The following ESRRB variants were observed in gnomAD, a reference collection of about 807,000 sequenced individuals.
ESRRB encodes steroid hormone receptor ERR2.
A neutral mutation model predicts 46.0 loss-of-function variants in ESRRB; 16 were observed. The ratio of observed to expected loss-of-function variants is 0.35; its 90% confidence interval spans 0.24 to 0.53. The LOEUF (loss-of-function observed/expected upper bound fraction) is 0.53. Ranked by LOEUF, ESRRB falls within the 20% of genes least tolerant of loss-of-function variation. The probability of loss-of-function intolerance (pLI) is 0.93; values close to 1 mark genes in which losing one functional copy is unlikely to be tolerated. For missense variants in ESRRB, 488 were observed against 607.4 expected, an observed-to-expected ratio of 0.80 and a Z score of 2.07; for synonymous variants, 246 against 259.6, an observed-to-expected ratio of 0.95 and a Z score of 0.50.
chr14:76,479,873 T>A (rs552753545), intron 3 of ESRRB, among the ~76,000 whole-genome samples: 5 of 152,274 alleles, frequency 3.3e-5, no homozygotes, highest in African/African-American at 9.6e-5. Context: ...TTACATTTTT[T>A]AAATTTTCTT....
At chr14:76,423,590 C>A (rs772340590) in intron 1 of ESRRB, among the ~76,000 whole-genome samples, 1 of 152,092 alleles carries the variant, frequency 6.6e-6, no homozygotes, top group African/African-American at 2.4e-5. Flanking sequence ...TCTTCTCGGA[C>A]CTTGATCCTG....
Position 76,498,895 on chromosome 14 carries a change from T to A in ESRRB, c.*437T>A, listed in dbSNP as rs1187497468. 5 of 534,328 alleles carry A rather than the reference T, an allele frequency of 9.4e-6. No individual in the cohort carries two copies. The African/African-American group carries it at 9.6e-5, about 10-fold the overall frequency. 33.1% of individuals were successfully genotyped at this position (534,328 alleles called of 1,614,324 possible). A position where few individuals can be genotyped will look rare whatever the true frequency, so the allele number is the denominator to read the frequency against. Reference sequence around the variant, plus strand: ...CAGGCTGGATACCACCTGGAGGTTTTCCTTCCGCAGAGGGCAGGTACGCAA... The same window carrying A: ...CAGGCTGGATACCACCTGGAGGTTTACCTTCCGCAGAGGGCAGGTACGCAA... On this transcript the variant is annotated 3_prime_UTR_variant, in exon 7 of 7. Coordinates refer to ENST00000644823, the MANE Select transcript of ESRRB (RefSeq NM_001379180.1).
chr14:76,376,387 G>A lies in ESRRB; in HGVS notation c.-15G>A. ...CCGTCTTTCTCTACCAACTGGGAAT[G>A]CTAAAACGGGACTGATGGACGTGTC... On this transcript the variant is annotated 5_prime_UTR_variant, in exon 1 of 7. The change abolishes an upstream ATG in the 5' untranslated region. Coordinates refer to ENST00000644823, the MANE Select transcript of ESRRB (RefSeq NM_001379180.1). This position sits in a 1 kb window ranked among gnomAD's most constrained non-coding sequence, Gnocchi z 4.1. The A allele has an allele frequency of 8.1e-7, 1 of 1,231,682 alleles. No homozygotes were observed. The highest frequency in any genetic ancestry group is 1.0e-6 in the Non-Finnish European group (1 of 987,938). The allele number at this position is 1,231,682 out of a possible 1,614,324, so 76.3% of individuals were successfully genotyped here.
chr14:76,322,067 A>G lies in ESRRB; in HGVS notation c.2+11151A>G, dbSNP rs140167558. ...GTGAATACCCTTTTGTATCATTTAC[A>G]TGTATATTGAACTCAGTTCAACATT... On this transcript the variant is annotated intron_variant, in intron 1 of 6. Transcript: ENST00000512784. 3.3e-3 allele frequency among the ~76,000 whole-genome samples: 504 copies of G among 152,232 alleles called. 3 individuals are homozygous for G. Among genetic ancestry groups the G allele is most frequent in the African/African-American group, 8.9e-3 (369 of 41,542 alleles).
intron 1 of ESRRB, among the ~76,000 whole-genome samples, chr14:76,323,210 G>A (rs1169090234): frequency 6.6e-6 from 1 of 151,736 alleles, no homozygotes; most frequent in African/African-American, 2.4e-5. Flanking sequence ...GAGATTTTTT[G>A]TCTCTAGAGC....
In ESRRB at chr14:76,439,468, T is replaced by A; in HGVS notation, c.178T>A (p.Ser60Thr). 1 of 1,612,440 alleles carries A rather than the reference T, an allele frequency of 6.2e-7. No homozygotes were observed. Among genetic ancestry groups the A allele is most frequent in the Non-Finnish European group, 8.5e-7 (1 of 1,179,754 alleles). Residue 60 changes from serine to threonine, a missense_variant, in exon 2 of 7, where the codon TCC (serine) becomes ACC (threonine). Physicochemically the swap from Ser to Thr is moderately conservative, Grantham distance 58. Coordinates refer to ENST00000644823, the MANE Select transcript of ESRRB (RefSeq NM_001379180.1). ...ALSHHSPSGS[S>T]DASGGFGLAL... Reference sequence around the variant, plus strand: ...CAGCCACCACAGCCCCAGTGGCTCGTCCGACGCCAGCGGCGGCTTTGGCCT... The same window carrying A: ...CAGCCACCACAGCCCCAGTGGCTCGACCGACGCCAGCGGCGGCTTTGGCCT...
At chr14:76,349,204 G>A (rs1215961585) in intron 1 of ESRRB, among the ~76,000 whole-genome samples, 2 of 152,202 alleles carry the variant, frequency 1.3e-5, no homozygotes, top group Non-Finnish European at 2.9e-5. Flanking sequence ...CGGAGTGGCT[G>A]AGCTGCTATG....
Position 76,498,388 on chromosome 14 carries a change from A to G in ESRRB, c.1295A>G (p.Tyr432Cys), listed in dbSNP as rs753336320. 7 of 1,613,488 alleles carry G rather than the reference A, an allele frequency of 4.3e-6. No homozygotes were observed. The highest frequency in any genetic ancestry group is 1.1e-5 in the South Asian group (1 of 91,070). The stretch of plus-strand genomic sequence containing the variant: ...GCCGCCAAGGCCGTGCAGCACTTCT[A>G]TAGCGTCAAACTGCAGGGCAAAGTG... ...QTAAKAVQHF[Y>C]SVKLQGKVPM... Residue 432 changes from tyrosine (Y) to cysteine (C), a missense_variant, in exon 7 of 7, where the codon TAT becomes TGT. Transcript: ENST00000644823.
At chr14:76,384,938 G>A (rs1885160177) in intron 1 of ESRRB, among the ~76,000 whole-genome samples, 2 of 152,238 alleles carry the variant, frequency 1.3e-5, no homozygotes, top group African/African-American at 4.8e-5. Flanking sequence ...TCAGGGAACT[G>A]ACCTCTCTGA....
At chr14:76,490,924 A>G (rs2140048876) in intron 5 of ESRRB, among the ~76,000 whole-genome samples, 1 of 152,248 alleles carries the variant, frequency 6.6e-6, no homozygotes, top group African/African-American at 2.4e-5. Flanking sequence ...GGCTTTGAAC[A>G]GCTGCGTCCT....
intron 3 of ESRRB, among the ~76,000 whole-genome samples, chr14:76,465,270 C>T (rs1889057317): frequency 6.6e-6 from 1 of 152,166 alleles, no homozygotes; most frequent in African/African-American, 2.4e-5. Context: ...CTCCCCATGG[C>T]ACAGCACAGG....
intron 1 of ESRRB, among the ~76,000 whole-genome samples, chr14:76,355,786 T>C (rs1884371975): frequency 6.6e-6 from 1 of 152,162 alleles, no homozygotes; most frequent in Non-Finnish European, 1.5e-5. Flanking sequence ...GAGGGAATCA[T>C]TCGATGTTAG....
chr14:76,395,535 G>T (rs1182048628), intron 1 of ESRRB, among the ~76,000 whole-genome samples: 1 of 152,078 alleles, frequency 6.6e-6, no homozygotes. Flanking sequence ...CTCTCCCTTG[G>T]TGTGTACCCT....
chr14:76,489,478 CA>C (rs1890137900), intron 5 of ESRRB, among the ~76,000 whole-genome samples: 1 of 151,640 alleles, frequency 6.6e-6, no homozygotes, highest in African/African-American at 2.4e-5. Flanking sequence ...CACACACACA[CA>C]CCCTGATCCC....
intron 1 of ESRRB, among the ~76,000 whole-genome samples, chr14:76,352,189 CT>C (rs1884322615): frequency 6.6e-6 from 1 of 152,092 alleles, no homozygotes; most frequent in Non-Finnish European, 1.5e-5. Flanking sequence ...ACCCGCCTGA[CT>C]TTTTTCGTGT....
At chr14:76,316,719 T>A (rs1420378044) in intron 1 of ESRRB, among the ~76,000 whole-genome samples, 1 of 151,954 alleles carries the variant, frequency 6.6e-6, no homozygotes, top group Admixed American at 6.6e-5. Context: ...TCTCTGTCCC[T>A]CTCTCCTGCT....
intron 2 of ESRRB, among the ~76,000 whole-genome samples, chr14:76,458,424 TGACACA>T (rs1888703215): frequency 8.1e-6 from 1 of 123,052 alleles, no homozygotes. Flanking sequence ...TCTCTCTCTC[TGACACA>T]CACACACACA....
chr14:76,491,504 A>G lies in ESRRB; in HGVS notation c.908A>G (p.Glu303Gly). Residue 303 changes from glutamate to glycine, a missense_variant, in exon 6 of 7, where the codon GAA (glutamate) becomes GGA (glycine). Transcript: ENST00000644823. ...QMSLLQSAWM[E>G]ILILGIVYRS... ...AGCCTGCTGCAGAGTGCCTGGATGG[A>G]AATCCTCATCCTGGGCATCGTGTAC... The G allele has an allele frequency of 6.2e-7, 1 of 1,604,662 alleles. No homozygotes were observed. Among genetic ancestry groups the G allele is most frequent in the Non-Finnish European group, 8.5e-7 (1 of 1,175,976 alleles).
chr14:76,330,107 G>A (rs564752662), intron 1 of ESRRB, among the ~76,000 whole-genome samples: 1 of 152,078 alleles, frequency 6.6e-6, no homozygotes, highest in Non-Finnish European at 1.5e-5. Flanking sequence ...CCAGCAGGGA[G>A]CCCTCCCTCT....
Sources: allele counts gnomAD v4.1 joint callset (sites outside exome capture counted in the v4.1 genomes callset), GRCh38; gene constraint gnomAD v4.1.1; non-coding constraint Gnocchi (gnomAD v3.1); transcripts MANE v1.5; gene names NCBI Gene and HGNC (gene_info 2026-07-23, HGNC 2026-07-21).